Variants in CASP4 observed in about 807,000 individuals in gnomAD.
The protein encoded by CASP4 is caspase 4.
A neutral mutation model predicts 41.3 loss-of-function variants in CASP4; 29 were observed. The ratio of observed to expected loss-of-function variants is 0.70; its 90% CI spans 0.52 to 0.96. The LOEUF (loss-of-function observed/expected upper bound fraction) is 0.96. CASP4 is among the 40% of genes least tolerant of loss of function. The pLI, the probability that CASP4 is intolerant of heterozygous loss-of-function variation, is 0.00. For missense variants in CASP4, 447 were observed against 460.6 expected (o/e 0.97, Z 0.27); for synonymous variants, 185 against 158.4 (o/e 1.17, Z -1.26).
intron 1 of CASP4, among the ~76,000 whole-genome samples, chr11:104,967,838 G>T (rs1036728956): frequency 2.0e-5 from 3 of 152,124 alleles, no homozygotes; most frequent in African/African-American, 7.2e-5. Context: ...TGACCTGCTG[G>T]AATACTAGCT....
chr11:104,953,539 TTAA>T (rs1468289610), intron 2 of CASP4, among the ~76,000 whole-genome samples: 8 of 152,162 alleles, frequency 5.3e-5, no homozygotes, highest in Non-Finnish European at 7.4e-5. Context: ...AGTTTAAATA[TTAA>T]TGAGAATGCT....
chr11:104,948,487 T>C (rs892880099), intron 6 of CASP4, 46 bp downstream of exon 6: 2 of 1,506,178 alleles, frequency 1.3e-6, no homozygotes, highest in Non-Finnish European at 1.8e-6. Flanking sequence ...CATTCAAAGA[T>C]GGCCTCAGGC....
rs1379932829 is a variant in CASP4 at position 104,951,877 on chromosome 11, C to G, written c.372+19G>C. On this transcript the variant is annotated intron_variant, in intron 3 of 8. Coordinates refer to ENST00000444739, the MANE Select transcript of CASP4 (RefSeq NM_001225.4). ...GATATCTCTTCTTTTTTTTCTATTT[C>G]ATATAGATAGCATAGCACCTCTTCA... 1.4e-6 allele frequency: 2 copies of G among 1,473,924 alleles called. No homozygotes were observed. The highest frequency in any genetic ancestry group is 1.9e-6 in the Non-Finnish European group (2 of 1,054,120). The allele number at this position is 1,473,924 out of a possible 1,614,324, so 91.3% of individuals were successfully genotyped here. A position where few individuals can be genotyped will look rare whatever the true frequency, so the allele number is the denominator to read the frequency against.
intron 1 of CASP4, among the ~76,000 whole-genome samples, chr11:104,966,994 AT>A (rs967217336): frequency 2.0e-5 from 3 of 152,198 alleles, no homozygotes; most frequent in Non-Finnish European, 4.4e-5. Context: ...ACTATAGATT[AT>A]TTTTTGTTAT....
intron 1 of CASP4, among the ~76,000 whole-genome samples, chr11:104,957,806 C>CA (rs1565368234): frequency 6.6e-6 from 1 of 151,728 alleles, no homozygotes; most frequent in African/African-American, 2.4e-5. Context: ...GAATCACACA[C>CA]AAAAAAACAA....
At chr11:104,963,033 A>G (rs1371237237) in intron 1 of CASP4, among the ~76,000 whole-genome samples, 1 of 152,210 alleles carries the variant, frequency 6.6e-6, no homozygotes, top group Non-Finnish European at 1.5e-5. Context: ...GTTACTTTTG[A>G]TAAAGTTCAA....
intron 3 of CASP4, 78 bp downstream of exon 3, chr11:104,951,818 T>C (rs1213797541): frequency 2.2e-6 from 2 of 911,344 alleles, no homozygotes; most frequent in African/African-American, 3.3e-5. Flanking sequence ...AATCATTTAG[T>C]GCTGTAAGAA....
chr11:104,944,508 C>G (rs1860405236), intron 8 of CASP4: 1 of 439,254 alleles, frequency 2.3e-6, no homozygotes, highest in Non-Finnish European at 4.1e-6. Context: ...TTCATCATCA[C>G]ATTCTGCTGC....
intron 6 of CASP4, 76 bp from the exon 7 acceptor site, chr11:104,947,268 G>GT (rs1414526324): frequency 3.6e-5 from 33 of 908,100 alleles, no homozygotes; most frequent in Admixed American, 1.2e-4. Context: ...TTTTGAGAAT[G>GT]TTTTTAAAAA....
chr11:104,968,459 C>G, intron 1 of CASP4, 60 bp downstream of exon 1: 1 of 1,433,406 alleles, frequency 7.0e-7, no homozygotes, highest in East Asian at 2.3e-5. Context: ...TATTTCAGAG[C>G]AATAAATCAA....
At position 104,944,766 on chromosome 11, in the gene CASP4, A is replaced by G. The variant is rs140485344; in HGVS notation, c.1121T>C (p.Phe374Ser). ...RLSMTRYFYLFPGN is the reference protein window; with the variant it reads ...RLSMTRYFYLSPGN ...ACTTAACCATTTTCAATTGCCAGGAAAGAGGTAGAAATATCTTGTCATGGA... is the reference window on the plus strand; with the variant it reads ...ACTTAACCATTTTCAATTGCCAGGAGAGAGGTAGAAATATCTTGTCATGGA... Residue 374 changes from phenylalanine to serine, a missense_variant, in exon 8 of 9, where the codon TTT (phenylalanine) becomes TCT (serine). Coordinates refer to ENST00000444739, the MANE Select transcript of CASP4 (RefSeq NM_001225.4). 1.3e-4 allele frequency: 214 copies of G among 1,609,012 alleles called. No homozygotes were observed. Among genetic ancestry groups the G allele is most frequent in the Non-Finnish European group, 8.7e-5 (102 of 1,175,560 alleles).
Position 104,954,885 on chromosome 11 carries a change from T to C in CASP4, c.124A>G (p.Lys42Glu), listed in dbSNP as rs372646731. ...GTTTTAGCATCGTAATATTTCTTTT[T>C]TTCCTCTTCCTTCCAGTTCAGTACA... is the stretch of plus-strand genomic sequence containing the variant. ...QNVLNWKEEE[K>E]KKYYDAKTED... The change falls in exon 2 of 9, where the codon AAA becomes GAA. Residue 42 changes from lysine (K) to glutamate (E), a missense_variant. By Grantham distance (56) the Lys-to-Glu change is moderately conservative. Coordinates refer to ENST00000444739, the MANE Select transcript of CASP4 (RefSeq NM_001225.4). The C allele has an allele frequency of 1.7e-4, 270 of 1,613,746 alleles. No individual in the cohort carries two copies. Among genetic ancestry groups the C allele is most frequent in the Non-Finnish European group, 2.1e-4 (244 of 1,179,842 alleles).
rs564226726 is a variant in CASP4, at chr11:104,964,865, G to C, written c.7+3654C>G. Reference sequence around the variant, plus strand: ...AAAGTCTTATCTGAGATTCCTCATGGAACAGAGTTCCATCAAAGCCAATTT... The same window carrying C: ...AAAGTCTTATCTGAGATTCCTCATGCAACAGAGTTCCATCAAAGCCAATTT... On this transcript the variant is annotated intron_variant, in intron 1 of 8. Transcript: ENST00000444739. 5.9e-5 allele frequency among the ~76,000 whole-genome samples: 9 copies of C among 152,202 alleles called. No homozygotes were observed. The South Asian group carries it at 1.9e-3, about 32-fold the overall frequency.
chr11:104,957,945 CAGAG>C (rs1288444312), intron 1 of CASP4, among the ~76,000 whole-genome samples: 2 of 151,990 alleles, frequency 1.3e-5, no homozygotes, highest in African/African-American at 4.8e-5. Context: ...AAAATAGAAA[CAGAG>C]AGCAAATGAA....
chr11:104,945,684 CT>C (rs1860441349), intron 7 of CASP4, among the ~76,000 whole-genome samples: 1 of 152,102 alleles, frequency 6.6e-6, no homozygotes, highest in South Asian at 2.1e-4. Flanking sequence ...TTTTTAGTTC[CT>C]TTTTCTATGA....
chr11:104,967,609 T>C (rs559452743), intron 1 of CASP4, among the ~76,000 whole-genome samples: 1 of 152,180 alleles, frequency 6.6e-6, no homozygotes, highest in Non-Finnish European at 1.5e-5. Flanking sequence ...AACAAACCTA[T>C]GTCAAGTCAG....
chr11:104,952,008 G>C lies in CASP4; in HGVS notation c.263-3C>G. 1 of 1,548,958 alleles carries C rather than the reference G, an allele frequency of 6.5e-7. No individual in the cohort carries two copies. The highest frequency in any genetic ancestry group is 8.9e-7 in the Non-Finnish European group (1 of 1,122,398). ...TCCAGCCTCCATATTCGGATGAGCTGCAGGATATTGCAGAACATAAATTGT... is the reference window on the plus strand; with the variant it reads ...TCCAGCCTCCATATTCGGATGAGCTCCAGGATATTGCAGAACATAAATTGT... On this transcript the variant is annotated splice_region_variant and splice_polypyrimidine_tract_variant and intron_variant, in intron 2 of 8. Coordinates refer to ENST00000444739, the MANE Select transcript of CASP4 (RefSeq NM_001225.4).
At chr11:104,968,382 A>G in intron 1 of CASP4, 137 bp downstream of exon 1, 1 of 779,682 alleles carries the variant, frequency 1.3e-6, no homozygotes, top group South Asian at 1.6e-5. Context: ...CATGATTCAA[A>G]CTACACACAA....
intron 1 of CASP4, among the ~76,000 whole-genome samples, chr11:104,960,949 G>T (rs1272521124): frequency 6.6e-6 from 1 of 152,188 alleles, no homozygotes; most frequent in East Asian, 1.9e-4. Context: ...CAGTAGTCAA[G>T]TCCATGTAGG....
Sources: gnomAD v4.1 joint callset for allele counts (sites outside exome capture counted in the v4.1 genomes callset) on GRCh38, gnomAD v4.1.1 for gene constraint, MANE v1.5 for transcripts, NCBI Gene and HGNC (gene_info 2026-07-23, HGNC 2026-07-21) for gene names.